The following MYO1B variants were observed in gnomAD, a reference collection of about 807,000 sequenced individuals.
MYO1B encodes the protein unconventional myosin-Ib.
A neutral mutation model predicts 159.7 loss-of-function variants in MYO1B; 72 were observed. The observed-to-expected ratio is 0.45, with a 90% CI of 0.37 to 0.55. MYO1B has a LOEUF of 0.55. Ranked by LOEUF, MYO1B falls within the 20% of genes least tolerant of loss-of-function variation. The probability of loss-of-function intolerance (pLI) is 0.00; values close to 1 mark genes in which losing one functional copy is unlikely to be tolerated. For missense variants in MYO1B, 1,062 were observed against 1,364.8 expected (o/e 0.78, Z 3.50); for synonymous variants, 468 against 473.8 (o/e 0.99, Z 0.16).
intron 13 of MYO1B, among the ~76,000 whole-genome samples, chr2:191,377,133 C>G (rs1429384280): frequency 6.6e-6 from 1 of 152,068 alleles, no homozygotes; most frequent in Non-Finnish European, 1.5e-5. Flanking sequence ...TTATATACTT[C>G]TAAACATAGT....
intron 3 of MYO1B, among the ~76,000 whole-genome samples, chr2:191,317,468 A>C (rs1246853163): frequency 6.6e-6 from 1 of 152,164 alleles, no homozygotes. Flanking sequence ...AAATGTAATC[A>C]CACTTTTTTA....
intron 11 of MYO1B, among the ~76,000 whole-genome samples, chr2:191,366,750 C>T (rs1559205964): frequency 6.6e-6 from 1 of 152,060 alleles, no homozygotes; most frequent in Non-Finnish European, 1.5e-5. Context: ...GCCTATCACC[C>T]CCCATGTCAT....
At chr2:191,401,204 T>A (rs994986363) in intron 23 of MYO1B, among the ~76,000 whole-genome samples, 1 of 152,094 alleles carries the variant, frequency 6.6e-6, no homozygotes, top group Non-Finnish European at 1.5e-5. Flanking sequence ...ATGTTCAAGT[T>A]TGGGCTTCAG....
intron 4 of MYO1B, among the ~76,000 whole-genome samples, chr2:191,341,104 A>G (rs1194189892): frequency 6.6e-6 from 1 of 152,200 alleles, no homozygotes; most frequent in African/African-American, 2.4e-5. Context: ...TACGTTTGGT[A>G]AAGATACCCA....
intron 24 of MYO1B, among the ~76,000 whole-genome samples, chr2:191,404,130 AAG>A (rs879291108): frequency 6.6e-5 from 10 of 152,082 alleles, no homozygotes; most frequent in Non-Finnish European, 1.3e-4. Flanking sequence ...TTTTTTCTAA[AAG>A]AGAATCATGT....
At position 191,299,344 on chromosome 2, in the gene MYO1B, A is replaced by T. The variant is rs185089071; in HGVS notation, c.251+3118A>T. Among the ~76,000 whole-genome samples, 74 of 152,334 alleles carry T rather than the reference A, an allele frequency of 4.9e-4. 1 individual carries two copies. The highest frequency in any genetic ancestry group is 7.9e-4 in the Non-Finnish European group (54 of 68,030). On this transcript the variant is annotated intron_variant, in intron 3 of 30. Coordinates refer to ENST00000392318, the MANE Select transcript of MYO1B (RefSeq NM_001130158.3). Reference sequence around the variant, plus strand: ...CAAAGCACTACGTGGTGAGCAAAGTACAGTTTTACTAATGCATCTGAAGTT... The same window carrying T: ...CAAAGCACTACGTGGTGAGCAAAGTTCAGTTTTACTAATGCATCTGAAGTT...
At chr2:191,399,264 C>T (rs1202476151) in intron 21 of MYO1B, among the ~76,000 whole-genome samples, 1 of 149,606 alleles carries the variant, frequency 6.7e-6, no homozygotes, top group Non-Finnish European at 1.5e-5. Flanking sequence ...TGGAAGGAGA[C>T]CGTGGGGAGA....
At chr2:191,253,695 C>A (rs927245210) in intron 1 of MYO1B, among the ~76,000 whole-genome samples, 1 of 152,200 alleles carries the variant, frequency 6.6e-6, no homozygotes, top group African/African-American at 2.4e-5. Flanking sequence ...TCAGTTGACA[C>A]ATCACATGCA....
intron 13 of MYO1B, among the ~76,000 whole-genome samples, chr2:191,376,649 C>T (rs915175528): frequency 1.3e-5 from 2 of 152,132 alleles, no homozygotes; most frequent in African/African-American, 4.8e-5. Flanking sequence ...AATCAAAGTG[C>T]TGAACTATAA....
At chr2:191,419,412 G>T (rs1697792684) in intron 30 of MYO1B, among the ~76,000 whole-genome samples, 1 of 152,180 alleles carries the variant, frequency 6.6e-6, no homozygotes, top group East Asian at 1.9e-4. Flanking sequence ...TAGAGGTGGG[G>T]TTTCATCGTG....
chr2:191,424,079 C>A lies in MYO1B; in HGVS notation c.*119C>A. 8.4e-7 allele frequency: 1 copy of A among 1,186,268 alleles called. No homozygotes were observed. The highest frequency in any genetic ancestry group is 1.2e-6 in the Non-Finnish European group (1 of 848,614). The allele number at this position is 1,186,268 out of a possible 1,614,324, so 73.5% of individuals were successfully genotyped here. ...ACCAAAGGCTTTTAGAGTTCTTTGG[C>A]AAAATAAAAATATTTGACTAATCAA... On this transcript the variant is annotated 3_prime_UTR_variant, in exon 31 of 31. Transcript: ENST00000392318.
At chr2:191,284,890 T>A (rs1300587631) in intron 2 of MYO1B, among the ~76,000 whole-genome samples, 1 of 152,132 alleles carries the variant, frequency 6.6e-6, no homozygotes, top group East Asian at 1.9e-4. Context: ...AGCCTCGGCC[T>A]CCGAAAGTGC....
At chr2:191,305,561 C>T (rs973017149) in intron 3 of MYO1B, among the ~76,000 whole-genome samples, 8 of 152,160 alleles carry the variant, frequency 5.3e-5, no homozygotes, top group Non-Finnish European at 2.9e-5. Flanking sequence ...TAAGCATCCA[C>T]AACATGTTGA....
chr2:191,337,427 T>C (rs1691926241), intron 4 of MYO1B, among the ~76,000 whole-genome samples: 1 of 152,234 alleles, frequency 6.6e-6, no homozygotes, highest in Non-Finnish European at 1.5e-5. Context: ...AACTGTCATC[T>C]GTACTTCCTT....
chr2:191,257,161 A>G (rs1428985720), intron 1 of MYO1B, among the ~76,000 whole-genome samples: 1 of 152,182 alleles, frequency 6.6e-6, no homozygotes, highest in East Asian at 1.9e-4. Context: ...TTTATTGTCA[A>G]AATAAGTAAA....
At chr2:191,251,465 A>G (rs150915693) in intron 1 of MYO1B, among the ~76,000 whole-genome samples, 170 of 152,352 alleles carry the variant, frequency 1.1e-3, no homozygotes, top group African/African-American at 3.9e-3. Flanking sequence ...TAAGCACCTG[A>G]TAAGTTTCTG....
intron 6 of MYO1B, among the ~76,000 whole-genome samples, chr2:191,349,748 T>A (rs369636512): frequency 1.1e-4 from 16 of 152,244 alleles, no homozygotes; most frequent in Non-Finnish European, 1.6e-4. Flanking sequence ...TTTACTGATA[T>A]GTTTCAAGTT....
chr2:191,248,603 A>G (rs1574254023), intron 1 of MYO1B, among the ~76,000 whole-genome samples: 2 of 152,216 alleles, frequency 1.3e-5, no homozygotes, highest in African/African-American at 4.8e-5. Flanking sequence ...TAGCCCCAGA[A>G]AACATCACAA....
chr2:191,282,029 C>T (rs1166576679), intron 2 of MYO1B, among the ~76,000 whole-genome samples: 3 of 152,054 alleles, frequency 2.0e-5, no homozygotes, highest in South Asian at 2.1e-4. Context: ...GATATAGTAC[C>T]ATATATTTGA....
Sources: allele counts gnomAD v4.1 joint callset (sites outside exome capture counted in the v4.1 genomes callset), GRCh38; gene constraint gnomAD v4.1.1; transcripts MANE v1.5; gene names NCBI Gene and HGNC (gene_info 2026-07-23, HGNC 2026-07-21).